Variants in LECT2 observed in about 807,000 individuals in gnomAD.
LECT2 encodes leukocyte cell-derived chemotaxin-2.
A neutral mutation model predicts 16.6 loss-of-function variants in LECT2; 11 were observed. The observed-to-expected ratio is 0.66, with a 90% CI of 0.42 to 1.09. The LOEUF (loss-of-function observed/expected upper bound fraction) is 1.09. LECT2 is among the 50% of genes least tolerant of loss of function. The pLI is 0.00. For missense variants in LECT2, 173 were observed against 184.2 expected, an observed-to-expected ratio of 0.94 and a Z score of 0.35; for synonymous variants, 54 against 64.8, an observed-to-expected ratio of 0.83 and a Z score of 0.80.
intron 1 of LECT2, 61 bp downstream of exon 1, chr5:135,954,727 C>G: frequency 1.7e-6 from 2 of 1,189,968 alleles, no homozygotes; most frequent in Non-Finnish European, 2.5e-6. Flanking sequence ...TCTTTTTAGT[C>G]TTCCCCTGAA....
intron 3 of LECT2, among the ~76,000 whole-genome samples, chr5:135,948,796 TC>T (rs1763742090): frequency 6.6e-6 from 1 of 151,846 alleles, no homozygotes; most frequent in Non-Finnish European, 1.5e-5. Flanking sequence ...TGCCTCAGCC[TC>T]CTGAGTAGCA....
intron 3 of LECT2, 23 bp downstream of exon 3, chr5:135,951,200 G>C (rs1763788193): frequency 6.2e-7 from 1 of 1,612,246 alleles, no homozygotes; most frequent in Non-Finnish European, 8.5e-7. Context: ...AGGCACCCCA[G>C]GTGTAGACTC....
At chr5:135,947,603 A>G in intron 3 of LECT2, 106 bp from the exon 4 acceptor site, 3 of 1,232,030 alleles carry the variant, frequency 2.4e-6, no homozygotes, top group South Asian at 4.0e-5. Flanking sequence ...TGTTGAATGA[A>G]CTCAGGAGAG....
At chr5:135,948,375 C>T (rs1047431601) in intron 3 of LECT2, among the ~76,000 whole-genome samples, 1 of 151,986 alleles carries the variant, frequency 6.6e-6, no homozygotes, top group African/African-American at 2.4e-5. Flanking sequence ...CACTGCAAAC[C>T]GGTCAAGTGA....
chr5:135,947,467 G>A lies in LECT2; in HGVS notation c.320C>T (p.Pro107Leu). 1 of 1,612,640 alleles carries A rather than the reference G, an allele frequency of 6.2e-7. No individual in the cohort carries two copies. Among genetic ancestry groups the A allele is most frequent in the South Asian group, 1.1e-5 (1 of 90,768 alleles). ...CTTAATAGGACCTTTATACTTAATT[G>A]GCTTAATGTAGAACATTTTGACACA... Reference protein sequence around the residue: ...GFCVKMFYIKPIKYKGPIKKG... With the variant: ...GFCVKMFYIKLIKYKGPIKKG... Residue 107 changes from proline (P) to leucine (L), a missense_variant, in exon 4 of 4, where the codon CCA becomes CTA. Transcript: ENST00000274507.
intron 2 of LECT2, among the ~76,000 whole-genome samples, chr5:135,952,209 G>C (rs1213634376): frequency 6.6e-6 from 1 of 152,210 alleles, no homozygotes. Context: ...AGGTTGCTTT[G>C]TAAGTAGTAT....
chr5:135,953,682 AT>A (rs916194542), intron 1 of LECT2, among the ~76,000 whole-genome samples: 1 of 152,202 alleles, frequency 6.6e-6, no homozygotes, highest in African/African-American at 2.4e-5. Context: ...AGAAATTGTA[AT>A]TTTGAAATGG....
rs1178394898 is a variant in LECT2 at position 135,952,961 on chromosome 5, G to A, written c.53C>T (p.Ala18Val). 2 of 1,612,308 alleles carry A rather than the reference G, an allele frequency of 1.2e-6. No homozygotes were observed. The highest frequency in any genetic ancestry group is 2.2e-5 in the South Asian group (2 of 91,042). Residue 18 changes from alanine to valine, a missense_variant, in exon 2 of 4, where the codon GCA becomes GTA. Ala to Val is a moderately conservative substitution (Grantham distance 64). Coordinates refer to ENST00000274507, the MANE Select transcript of LECT2 (RefSeq NM_002302.3). Reference sequence around the variant, plus strand: ...AGCACATATATTAGCCCATGGCCCTGCCAGTGCTAAAAAGGAGAAAAGTGA... The same window carrying A: ...AGCACATATATTAGCCCATGGCCCTACCAGTGCTAAAAAGGAGAAAAGTGA... ...LLAGLISTALAGPWANICAGK... is the reference protein window; with the variant it reads ...LLAGLISTALVGPWANICAGK...
chr5:135,948,682 A>ATTT (rs1317572023), intron 3 of LECT2, among the ~76,000 whole-genome samples: 1 of 148,290 alleles, frequency 6.7e-6, no homozygotes, highest in African/African-American at 2.5e-5. Context: ...AATTATTATT[A>ATTT]TTATTTTTTT....
At chr5:135,949,122 A>G (rs1046093494) in intron 3 of LECT2, among the ~76,000 whole-genome samples, 18 of 152,244 alleles carry the variant, frequency 1.2e-4, no homozygotes, top group African/African-American at 3.6e-4. Context: ...TACAACAACC[A>G]TTAATATAAC....
At chr5:135,950,438 A>C (rs1233066585) in intron 3 of LECT2, among the ~76,000 whole-genome samples, 2 of 152,214 alleles carry the variant, frequency 1.3e-5, no homozygotes, top group African/African-American at 2.4e-5. Flanking sequence ...CTTGCTGGGA[A>C]TAATGACTAA....
At chr5:135,949,393 C>T (rs1311010500) in intron 3 of LECT2, among the ~76,000 whole-genome samples, 1 of 152,176 alleles carries the variant, frequency 6.6e-6, no homozygotes, top group African/African-American at 2.4e-5. Context: ...GAAATAACCT[C>T]TTGGTAGATT....
At chr5:135,948,654 TAA>T (rs1309139464) in intron 3 of LECT2, among the ~76,000 whole-genome samples, 2 of 130,944 alleles carry the variant, frequency 1.5e-5, no homozygotes, top group African/African-American at 5.5e-5. Context: ...CTAGAAAATT[TAA>T]AATAATAATA....
chr5:135,948,992 T>C (rs964693499), intron 3 of LECT2, among the ~76,000 whole-genome samples: 1 of 152,158 alleles, frequency 6.6e-6, no homozygotes, highest in Non-Finnish European at 1.5e-5. Flanking sequence ...TAAAATTATA[T>C]ATATGACTTC....
At chr5:135,947,599 A>G (rs1262213120) in intron 3 of LECT2, 102 bp from the exon 4 acceptor site, 8 of 1,270,656 alleles carry the variant, frequency 6.3e-6, no homozygotes, top group African/African-American at 6.0e-5. Flanking sequence ...AGAATGTTGA[A>G]TGAACTCAGG....
chr5:135,947,254 T>C lies in LECT2; in HGVS notation c.*77A>G. On this transcript the variant is annotated 3_prime_UTR_variant, in exon 4 of 4. Coordinates refer to ENST00000274507, the MANE Select transcript of LECT2 (RefSeq NM_002302.3). ...TGCATTTTTCCTTTGTGAACACAAA[T>C]TTCTTGAAGAGAAGGGTATGCATCC... The C allele has an allele frequency of 7.2e-7, 1 of 1,388,600 alleles. No homozygotes were observed. Among genetic ancestry groups the C allele is most frequent in the Non-Finnish European group, 1.0e-6 (1 of 1,001,446 alleles). 86.0% of individuals were successfully genotyped at this position (1,388,600 alleles called of 1,614,324 possible). A position where few individuals can be genotyped will look rare whatever the true frequency, so the allele number is the denominator to read the frequency against.
intron 3 of LECT2, 153 bp downstream of exon 3, chr5:135,951,070 C>A: frequency 1.4e-6 from 1 of 727,996 alleles, no homozygotes; most frequent in Admixed American, 2.9e-5. Context: ...TTAAAAAATG[C>A]ATCAGCTAGT....
At chr5:135,951,184 T>A (rs2126876472) in intron 3 of LECT2, 39 bp downstream of exon 3, 2 of 1,600,940 alleles carry the variant, frequency 1.2e-6, no homozygotes, top group South Asian at 1.1e-5. Context: ...CATCAACATC[T>A]CCAGGAGGCA....
intron 1 of LECT2, among the ~76,000 whole-genome samples, chr5:135,953,571 G>A (rs1017499879): frequency 3.9e-5 from 6 of 152,176 alleles, no homozygotes; most frequent in Non-Finnish European, 8.8e-5. Context: ...AATGGTATAA[G>A]TTGTGCTTTT....
Sources: allele counts gnomAD v4.1 joint callset (sites outside exome capture counted in the v4.1 genomes callset), GRCh38; gene constraint gnomAD v4.1.1; transcripts MANE v1.5; gene names NCBI Gene and HGNC (gene_info 2026-07-23, HGNC 2026-07-21).